ITGB4: variants seen among roughly 807,000 people sequenced by gnomAD.
ITGB4 encodes integrin beta-4.
In ITGB4, 159 loss-of-function variants were observed where a neutral mutation model predicts 207.6. The observed-to-expected ratio is 0.77, with a 90% CI of 0.67 to 0.87. The LOEUF (loss-of-function observed/expected upper bound fraction) is 0.87. Ranked by LOEUF, ITGB4 falls within the 40% of genes least tolerant of loss-of-function variation. The pLI is 0.00. For missense variants in ITGB4, 2,278 were observed against 2,546.8 expected (o/e 0.89, Z 2.27); for synonymous variants, 1,020 against 1,062.7 (o/e 0.96, Z 0.78).
In ITGB4 at chr17:75,742,697, C is replaced by T. The variant is rs138945206; in HGVS notation, c.2898C>T (p.Asp966=). The T allele has an allele frequency of 5.4e-5, 87 of 1,613,704 alleles. No homozygotes were observed. In the African/African-American group the frequency reaches 1.0e-3, roughly 19 times the overall value. ...AGCAGCTGCTGGTGGAGGCCATCGA[C>T]GTGCCCGCAGGCACTGCCACCCTCG... is the stretch of plus-strand genomic sequence containing the variant. ...DEKQLLVEAI[D]VPAGTATLGR... The change falls in exon 25 of 40, where the codon GAC becomes GAT. Residue 966 remains aspartate (D), a synonymous_variant. Coordinates refer to ENST00000200181, the MANE Select transcript of ITGB4 (RefSeq NM_000213.5). This position sits in a 1 kb window ranked among gnomAD's most constrained non-coding sequence, Gnocchi z 5.9.
intron 6 of ITGB4, among the ~76,000 whole-genome samples, chr17:75,728,986 C>CAAAA (rs933959785): frequency 1.3e-4 from 6 of 45,168 alleles, no homozygotes; most frequent in Admixed American, 2.6e-4. Context: ...TCTGTCTCAA[C>CAAAA]AAAAAAAAAA....
At position 75,740,616 on chromosome 17, in the gene ITGB4, T is replaced by C. The variant is rs564807152; in HGVS notation, c.2550+155T>C. On this transcript the variant is annotated intron_variant, in intron 21 of 39. Transcript: ENST00000200181. The surrounding 1 kb of genome is among the most constrained non-coding windows in gnomAD (Gnocchi z 5.9). ...GCCTGGCAGGGGGCATCCTGGGATC[T>C]GTTTCCAGAGGGCAGAAGGCCAGAG... The C allele has an allele frequency of 6.3e-6, 6 of 959,004 alleles. No individual in the cohort carries two copies. Among genetic ancestry groups the C allele is most frequent in the South Asian group, 2.7e-5 (2 of 72,812 alleles). 59.4% of individuals were successfully genotyped at this position (959,004 alleles called of 1,614,324 possible). A position where few individuals can be genotyped will look rare whatever the true frequency, so the allele number is the denominator to read the frequency against.
chr17:75,750,356 C>T lies in ITGB4; in HGVS notation c.3474+88C>T, dbSNP rs578112147. The T allele has an allele frequency of 1.5e-6, 2 of 1,358,824 alleles. No homozygotes were observed. Among genetic ancestry groups the T allele is most frequent in the Non-Finnish European group, 2.0e-6 (2 of 991,490 alleles). The allele number at this position is 1,358,824 out of a possible 1,614,324, so 84.2% of individuals were successfully genotyped here. ...AGAGGTGGGCCGTCCAAGGCCAGGG[C>T]CCCCTGAGAGAGAGCAGACAGTGGA... On this transcript the variant is annotated intron_variant, in intron 28 of 39. Transcript: ENST00000200181. This position sits in a 1 kb window ranked among gnomAD's most constrained non-coding sequence, Gnocchi z 5.5.
In ITGB4 at chr17:75,756,592, G is replaced by A. The variant is rs747577770; in HGVS notation, c.4872G>A (p.Pro1624=). 2.7e-5 allele frequency: 44 copies of A among 1,612,606 alleles called. No homozygotes were observed. Among genetic ancestry groups the A allele is most frequent in the East Asian group, 6.7e-5 (3 of 44,878 alleles). Residue 1624 remains proline (P), a synonymous_variant, in exon 36 of 40, where the codon CCG becomes CCA. Transcript: ENST00000200181. ...TCACCATTGAATCCCAGGTGCACCC[G>A]CAGAGCCCACTGTGTCCCCTGCCAG... The part of the protein sequence containing the change: ...GVITIESQVH[P]QSPLCPLPGS...
At chr17:75,756,203 G>C (rs1354791279) in intron 35 of ITGB4, among the ~76,000 whole-genome samples, 1 of 152,180 alleles carries the variant, frequency 6.6e-6, no homozygotes, top group Non-Finnish European at 1.5e-5. Flanking sequence ...AGCATGACCA[G>C]GATGCAGGAT....
At chr17:75,744,363 G>A (rs1216223527) in intron 26 of ITGB4, among the ~76,000 whole-genome samples, 2 of 151,622 alleles carry the variant, frequency 1.3e-5, no homozygotes, top group South Asian at 4.2e-4. Flanking sequence ...CAGGTGATCC[G>A]CCCGCCTTGG....
chr17:75,729,547 A>G lies in ITGB4; in HGVS notation c.738+111A>G. ...GTGCCAGGCTCACAGGCCCTGAGGGAAAGCCTGGGAGCCTGCAACCCCTTC... is the reference window on the plus strand; with the variant it reads ...GTGCCAGGCTCACAGGCCCTGAGGGGAAGCCTGGGAGCCTGCAACCCCTTC... On this transcript the variant is annotated intron_variant, in intron 7 of 39. Transcript: ENST00000200181. The surrounding 1 kb of genome is among the most constrained non-coding windows in gnomAD (Gnocchi z 4.4). 1 of 1,177,820 alleles carries G rather than the reference A, an allele frequency of 8.5e-7. No homozygotes were observed. The highest frequency in any genetic ancestry group is 2.6e-5 in the Admixed American group (1 of 37,974). 73.0% of individuals were successfully genotyped at this position (1,177,820 alleles called of 1,614,324 possible).
chr17:75,748,564 G>A (rs1236687756), intron 26 of ITGB4, among the ~76,000 whole-genome samples: 1 of 151,738 alleles, frequency 6.6e-6, no homozygotes, highest in Non-Finnish European at 1.5e-5. Flanking sequence ...CAGCTACTCA[G>A]GAAGATGAGG....
chr17:75,727,818 T>G lies in ITGB4; in HGVS notation c.432T>G (p.Asp144Glu). The G allele has an allele frequency of 6.2e-6, 10 of 1,613,956 alleles. No homozygotes were observed. The highest frequency in any genetic ancestry group is 8.5e-6 in the Non-Finnish European group (10 of 1,179,956). ...TGGACTTCTCCAACTCCATGTCCGA[T>G]GATCTGGACAACCTCAAGAAGATGG... ...ILMDFSNSMS[D>E]DLDNLKKMGQ... Residue 144 changes from aspartate (D) to glutamate (E), a missense_variant, in exon 5 of 40, where the codon GAT (aspartate) becomes GAG (glutamate). By Grantham distance (45) the Asp-to-Glu change is conservative. Coordinates refer to ENST00000200181, the MANE Select transcript of ITGB4 (RefSeq NM_000213.5). The surrounding 1 kb of genome is among the most constrained non-coding windows in gnomAD (Gnocchi z 6.0).
chr17:75,756,984 AGCCGGCTGACCGT>A lies in ITGB4; in HGVS notation c.5101_5113del (p.Leu1701AlafsTer30). The A allele has an allele frequency of 1.2e-6, 2 of 1,612,826 alleles. No individual in the cohort carries two copies. The highest frequency in any genetic ancestry group is 1.7e-6 in the Non-Finnish European group (2 of 1,179,952). ...CCGGGTGGATGGAGACAGCCCCGAGAGCCGGCTGACCGTGCCGGGCCTCAGCGAGAACGTGCCC... is the reference window on the plus strand; with the variant it reads ...CCGGGTGGATGGAGACAGCCCCGAGAGCCGGGCCTCAGCGAGAACGTGCCC... On this transcript the variant is annotated frameshift_variant, in exon 38 of 40. Coordinates refer to ENST00000200181, the MANE Select transcript of ITGB4 (RefSeq NM_000213.5). LOFTEE classifies it high-confidence loss of function.
chr17:75,757,591 G>T lies in ITGB4; in HGVS notation c.*36G>T. 1 of 1,612,924 alleles carries T rather than the reference G, an allele frequency of 6.2e-7. No individual in the cohort carries two copies. Among genetic ancestry groups the T allele is most frequent in the Non-Finnish European group, 8.5e-7 (1 of 1,179,686 alleles). ...CCCCACCCCCGCCACGTCCCACTAG[G>T]CGTCCTCCCGACTCCTCTCCCGGAG... On this transcript the variant is annotated 3_prime_UTR_variant, in exon 40 of 40. Coordinates refer to ENST00000200181, the MANE Select transcript of ITGB4 (RefSeq NM_000213.5).
In ITGB4 at chr17:75,757,391, T is replaced by C. The variant is rs1239485765; in HGVS notation, c.5330-25T>C. ...GGAGAAGGGCAGACCCCAAGCCAGG[T>C]CATCTAATGCCTCCTCCTCCACAGA... On this transcript the variant is annotated intron_variant, in intron 39 of 39. Coordinates refer to ENST00000200181, the MANE Select transcript of ITGB4 (RefSeq NM_000213.5). The C allele has an allele frequency of 4.3e-6, 7 of 1,612,700 alleles. No homozygotes were observed. In the Admixed American group the frequency reaches 6.7e-5, roughly 15 times the overall value.
rs758504383 is a variant in ITGB4, at chr17:75,736,004, C to G, written c.1658-47C>G. On this transcript the variant is annotated intron_variant, in intron 13 of 39. Transcript: ENST00000200181. ...CCTGCCAGGTGGGCAGCCTGGACTACAGGCACAGATGTAGCTCTCATCTCC... is the reference window on the plus strand; with the variant it reads ...CCTGCCAGGTGGGCAGCCTGGACTAGAGGCACAGATGTAGCTCTCATCTCC... 11 of 1,583,804 alleles carry G rather than the reference C, an allele frequency of 6.9e-6. No homozygotes were observed. The South Asian group carries it at 9.9e-5, about 14-fold the overall frequency.
Position 75,729,813 on chromosome 17 carries a change from A to C in ITGB4, c.738+377A>C, listed in dbSNP as rs1211248318. 2.6e-5 allele frequency among the ~76,000 whole-genome samples: 4 copies of C among 152,232 alleles called. No homozygotes were observed. In the East Asian group the frequency reaches 5.8e-4, roughly 22 times the overall value. The stretch of plus-strand genomic sequence containing the variant: ...CTTTGATATGTACATCCATTTGTTC[A>C]TTCTGAAAATGACATACCCATATTA... On this transcript the variant is annotated intron_variant, in intron 7 of 39. Coordinates refer to ENST00000200181, the MANE Select transcript of ITGB4 (RefSeq NM_000213.5). The surrounding 1 kb of genome is among the most constrained non-coding windows in gnomAD (Gnocchi z 4.4).
rs374781459 is a variant in ITGB4, at chr17:75,740,963, G to T, written c.2610-19G>T. On this transcript the variant is annotated intron_variant, in intron 22 of 39. Coordinates refer to ENST00000200181, the MANE Select transcript of ITGB4 (RefSeq NM_000213.5). This position sits in a 1 kb window ranked among gnomAD's most constrained non-coding sequence, Gnocchi z 5.9. ...ACTTCAGGGCTATCTAGCTCACAGC[G>T]CCCTCTTTGTCCCCACAGGCAGCAG... 2.4e-5 allele frequency: 39 copies of T among 1,613,860 alleles called. No individual in the cohort carries two copies. Among genetic ancestry groups the T allele is most frequent in the Non-Finnish European group, 3.3e-5 (39 of 1,180,018 alleles).
Position 75,730,399 on chromosome 17 carries a change from C to T in ITGB4, c.897C>T (p.Tyr299=). 3 of 1,614,082 alleles carry T rather than the reference C, an allele frequency of 1.9e-6. No individual in the cohort carries two copies. The highest frequency in any genetic ancestry group is 3.3e-5 in the Admixed American group (2 of 60,032). The stretch of plus-strand genomic sequence containing the variant: ...ACACCACGGGCACCTACACCCAGTA[C>T]AGGACACAGGACTACCCGTCGGTGC... ...HLDTTGTYTQ[Y]RTQDYPSVPT... The change falls in exon 8 of 40, where the codon TAC becomes TAT. Residue 299 remains tyrosine (Y), a synonymous_variant. Transcript: ENST00000200181.
At position 75,721,489 on chromosome 17, in the gene ITGB4, T is replaced by A. The variant is rs1332287393; in HGVS notation, c.-134T>A. 7.7e-6 allele frequency: 1 copy of A among 129,062 alleles called. No homozygotes were observed. The highest frequency in any genetic ancestry group is 1.6e-5 in the Non-Finnish European group (1 of 61,766). The allele number at this position is 129,062 out of a possible 1,614,324, so 8.0% of individuals were successfully genotyped here. The stretch of plus-strand genomic sequence containing the variant: ...AACCCCCGCGCCCGCCCTCGGACAG[T>A]CCCTGCTCGCCCGCGCGCTGCAGCC... On this transcript the variant is annotated 5_prime_UTR_variant, in exon 1 of 40. Coordinates refer to ENST00000200181, the MANE Select transcript of ITGB4 (RefSeq NM_000213.5).
At chr17:75,754,423 G>A (rs2061439281) in intron 33 of ITGB4, 153 bp from the exon 34 acceptor site, 2 of 893,478 alleles carry the variant, frequency 2.2e-6, no homozygotes, top group Non-Finnish European at 1.8e-6. Flanking sequence ...AGGGACAGAG[G>A]GCCTCTGTCC....
intron 13 of ITGB4, among the ~76,000 whole-genome samples, chr17:75,734,328 G>C (rs2060930756): frequency 6.6e-6 from 1 of 151,832 alleles, no homozygotes; most frequent in African/African-American, 2.4e-5. Flanking sequence ...TAGAGACAGG[G>C]TTTCACCATG....
Sources: allele counts gnomAD v4.1 joint callset (sites outside exome capture counted in the v4.1 genomes callset), GRCh38; gene constraint gnomAD v4.1.1; non-coding constraint Gnocchi (gnomAD v3.1); transcripts MANE v1.5; gene names NCBI Gene and HGNC (gene_info 2026-07-23, HGNC 2026-07-21).